The following ERG variants were observed in gnomAD, a reference collection of about 807,000 sequenced individuals.
ERG encodes ETS transcription factor ERG.
Under a neutral mutation model 55.3 loss-of-function variants are expected in ERG, and 9 were observed. The ratio of observed to expected loss-of-function variants is 0.16; its 90% confidence interval spans 0.10 to 0.28. The LOEUF (loss-of-function observed/expected upper bound fraction) is 0.28, where lower values mean the gene tolerates loss of function less well. Ranked by LOEUF, ERG falls within the 10% of genes least tolerant of loss-of-function variation. The pLI, the probability that ERG is intolerant of heterozygous loss-of-function variation, is 1.00. For missense variants in ERG, 434 were observed against 631.6 expected, an observed-to-expected ratio of 0.69 and a Z score of 3.35; for synonymous variants, 223 against 237.3, an observed-to-expected ratio of 0.94 and a Z score of 0.55.
Position 38,550,894 on chromosome 21 carries a change from C to T in ERG, c.-41+24768G>A, listed in dbSNP as rs147390049. Among the ~76,000 whole-genome samples the T allele has an allele frequency of 1.6e-4, 25 of 152,162 alleles. 1 individual carries two copies. Among genetic ancestry groups the T allele is most frequent in the African/African-American group, 5.1e-4 (21 of 41,518 alleles). ...AGGGTAGCAGTCAGGAATTGACAGA[C>T]GATTAATGGATTGAGGAAACAGAAT... On this transcript the variant is annotated intron_variant, in intron 2 of 8. Transcript: ENST00000398897.
At chr21:38,373,926 CTAT>C in the ERG span, among the ~76,000 whole-genome samples, 1 of 152,094 alleles carries the variant, frequency 6.6e-6, no homozygotes, top group Non-Finnish European at 1.5e-5. Flanking sequence ...TGTCACCTTT[CTAT>C]TATATTTCAC....
At chr21:38,659,041 G>A (rs1010423903) in intron 1 of ERG, among the ~76,000 whole-genome samples, 1 of 152,116 alleles carries the variant, frequency 6.6e-6, no homozygotes, top group African/African-American at 2.4e-5. Flanking sequence ...ATTATAAAAT[G>A]TTACAAAAGA....
intron 2 of ERG, among the ~76,000 whole-genome samples, chr21:38,562,868 T>C (rs1444635040): frequency 6.6e-6 from 1 of 152,180 alleles, no homozygotes; most frequent in Non-Finnish European, 1.5e-5. Flanking sequence ...CATATAAAAG[T>C]GTGCGTGTTT....
chr21:38,410,724 A>G (rs1265538091), intron 3 of ERG, among the ~76,000 whole-genome samples: 1 of 152,262 alleles, frequency 6.6e-6, no homozygotes, highest in African/African-American at 2.4e-5. Context: ...GCCAAAGACA[A>G]ACTGTGCCTT....
chr21:38,420,067 G>A (rs1282418756), intron 3 of ERG, among the ~76,000 whole-genome samples: 1 of 148,452 alleles, frequency 6.7e-6, no homozygotes, highest in Non-Finnish European at 1.5e-5. Flanking sequence ...CGTGTGATTT[G>A]CATTAGTGCC....
intron 3 of ERG, among the ~76,000 whole-genome samples, chr21:38,404,223 C>A (rs905662586): frequency 6.6e-6 from 1 of 152,086 alleles, no homozygotes; most frequent in African/African-American, 2.4e-5. Context: ...ACCACAGAAT[C>A]GGAAATGAAA....
intron 1 of ERG, among the ~76,000 whole-genome samples, chr21:38,646,774 A>G (rs1341801810): frequency 6.6e-6 from 1 of 151,842 alleles, no homozygotes; most frequent in Non-Finnish European, 1.5e-5. Context: ...GTTTTGGGGT[A>G]AGCTCAGCAT....
chr21:38,490,009 C>T (rs551098367), intron 1 of ERG, among the ~76,000 whole-genome samples: 6 of 152,300 alleles, frequency 3.9e-5, no homozygotes, highest in Admixed American at 1.3e-4. Flanking sequence ...AAGTTAACAA[C>T]GCCCTGAATG....
intron 1 of ERG, among the ~76,000 whole-genome samples, chr21:38,486,274 T>C (rs2059284762): frequency 1.3e-5 from 2 of 152,112 alleles, no homozygotes; most frequent in South Asian, 4.1e-4. Context: ...TTTTGATACA[T>C]AAAAACCATT....
At chr21:38,434,943 C>T (rs955640068) in intron 2 of ERG, among the ~76,000 whole-genome samples, 4 of 152,168 alleles carry the variant, frequency 2.6e-5, no homozygotes, top group African/African-American at 9.7e-5. Context: ...TACTATTGTG[C>T]AGTGTTCAGC....
intron 2 of ERG, among the ~76,000 whole-genome samples, chr21:38,531,605 A>G (rs540632356): frequency 6.6e-6 from 1 of 152,366 alleles, no homozygotes; most frequent in Admixed American, 6.5e-5. Context: ...AGATATATTA[A>G]GGAAATTGCT....
chr21:38,424,181 G>GCCCT (rs1555896858), intron 2 of ERG, among the ~76,000 whole-genome samples: 1 of 88,004 alleles, frequency 1.1e-5, no homozygotes, highest in African/African-American at 4.4e-5. Flanking sequence ...AGAGACCAGA[G>GCCCT]CTCGAGCTCT....
At chr21:38,438,889 C>T (rs1008769272) in intron 2 of ERG, among the ~76,000 whole-genome samples, 29 of 152,340 alleles carry the variant, frequency 1.9e-4, no homozygotes, top group African/African-American at 5.5e-4. Context: ...TCAAACACAG[C>T]GTGCTGGGCT....
At chr21:38,614,259 A>G (rs2060245866) in intron 1 of ERG, among the ~76,000 whole-genome samples, 3 of 152,194 alleles carry the variant, frequency 2.0e-5, no homozygotes, top group Non-Finnish European at 2.9e-5. Flanking sequence ...AGAACGTTGG[A>G]TAGCATTAAT....
At chr21:38,532,810 C>T (rs941676107) in intron 2 of ERG, among the ~76,000 whole-genome samples, 4 of 152,166 alleles carry the variant, frequency 2.6e-5, no homozygotes, top group East Asian at 3.9e-4. Flanking sequence ...ATGTTCTCAT[C>T]GGTGATTTAT....
intron 2 of ERG, among the ~76,000 whole-genome samples, chr21:38,546,628 C>T (rs1488601203): frequency 6.6e-6 from 1 of 152,140 alleles, no homozygotes; most frequent in Non-Finnish European, 1.5e-5. Context: ...CTCCAAATCA[C>T]GATGTCTATA....
At chr21:38,375,447 C>T (rs943253937), downstream of ERG, among the ~76,000 whole-genome samples, 2 of 152,210 alleles carry the variant, frequency 1.3e-5, no homozygotes, top group African/African-American at 2.4e-5. Flanking sequence ...GTACCTCTTA[C>T]ATCATTGTGA....
chr21:38,447,616 T>A (rs958258626), intron 1 of ERG, among the ~76,000 whole-genome samples: 1 of 150,996 alleles, frequency 6.6e-6, no homozygotes, highest in African/African-American at 2.4e-5. Context: ...AACACATAGA[T>A]GTGGGTTTCA....
the ERG span, among the ~76,000 whole-genome samples, chr21:38,375,002 C>CA: frequency 2.0e-5 from 3 of 152,168 alleles, no homozygotes; most frequent in Non-Finnish European, 4.4e-5. Flanking sequence ...TCACCTCCTT[C>CA]AATAAGCCTT....
Sources: gnomAD v4.1 joint callset for allele counts (sites outside exome capture counted in the v4.1 genomes callset) on GRCh38, gnomAD v4.1.1 for gene constraint, MANE v1.5 for transcripts, NCBI Gene and HGNC (gene_info 2026-07-23, HGNC 2026-07-21) for gene names.